The following MYT1L variants were observed in gnomAD, a reference collection of about 807,000 sequenced individuals.
MYT1L encodes myelin transcription factor 1-like protein.
MYT1L carries 12 observed loss-of-function variants against 126.7 expected under a neutral mutation model. The observed-to-expected ratio is 0.09, with a 90% CI of 0.06 to 0.15. The LOEUF is 0.15. MYT1L is among the 10% of genes least tolerant of loss of function. The pLI is 1.00. For missense variants in MYT1L, 979 were observed against 1,585.2 expected, an observed-to-expected ratio of 0.62 and a Z score of 6.49; for synonymous variants, 541 against 604.2, an observed-to-expected ratio of 0.90 and a Z score of 1.53.
chr2:2,295,492 A>T (rs2095657129), intron 1 of MYT1L, among the ~76,000 whole-genome samples: 1 of 149,630 alleles, frequency 6.7e-6, no homozygotes, highest in Non-Finnish European at 1.5e-5. Flanking sequence ...CCCAAAGGGA[A>T]TGTGGAGAGT....
At chr2:1,945,265 A>G (rs1249830747) in intron 8 of MYT1L, among the ~76,000 whole-genome samples, 1 of 152,222 alleles carries the variant, frequency 6.6e-6, no homozygotes, top group East Asian at 1.9e-4. Flanking sequence ...TGCAATTAAA[A>G]TGCATGTTGG....
chr2:2,155,946 T>C (rs900213399), intron 3 of MYT1L, among the ~76,000 whole-genome samples: 29 of 152,202 alleles, frequency 1.9e-4, no homozygotes, highest in African/African-American at 6.7e-4. Context: ...CTCTGTCACA[T>C]ATGAAAAGGA....
chr2:2,112,663 G>C (rs143278279), intron 3 of MYT1L, among the ~76,000 whole-genome samples: 1 of 152,150 alleles, frequency 6.6e-6, no homozygotes. Flanking sequence ...AGGCAACACT[G>C]ACGCTGATGA....
At chr2:2,007,211 G>C (rs557162305) in intron 4 of MYT1L, among the ~76,000 whole-genome samples, 2 of 152,076 alleles carry the variant, frequency 1.3e-5, no homozygotes, top group African/African-American at 2.4e-5. Flanking sequence ...GAGGATTGGT[G>C]GGTCACATGG....
intron 3 of MYT1L, among the ~76,000 whole-genome samples, chr2:2,117,010 A>C (rs2080300465): frequency 6.6e-6 from 1 of 152,180 alleles, no homozygotes; most frequent in African/African-American, 2.4e-5. Flanking sequence ...AAGAAGCTCA[A>C]GTGGTTTCTG....
At chr2:2,171,443 C>A (rs1003461692) in intron 3 of MYT1L, among the ~76,000 whole-genome samples, 1 of 152,062 alleles carries the variant, frequency 6.6e-6, no homozygotes, top group African/African-American at 2.4e-5. Context: ...AACATTACAC[C>A]CTTATAAAAT....
intron 2 of MYT1L, among the ~76,000 whole-genome samples, chr2:2,279,560 T>TGAATGAAG (rs1553619812): frequency 1.8e-5 from 1 of 56,866 alleles, no homozygotes; most frequent in African/African-American, 7.0e-5. Context: ...AGAGAAGGAA[T>TGAATGAAG]GAATGAATGA....
At position 2,165,716 on chromosome 2, in the gene MYT1L, T is replaced by C. The variant is rs367657934; in HGVS notation, c.-304+7156A>G. Among the ~76,000 whole-genome samples the C allele has an allele frequency of 5.0e-4, 76 of 152,288 alleles. 1 individual carries two copies. The highest frequency in any genetic ancestry group is 1.5e-3 in the African/African-American group (63 of 41,580). On this transcript the variant is annotated intron_variant, in intron 3 of 24. Coordinates refer to ENST00000647738, the MANE Select transcript of MYT1L (RefSeq NM_001303052.2). ...CACGTTGTCATCTCATAGCTGTTTCTTGAATGTTGTATTCAAAAATACTTT... is the reference window on the plus strand; with the variant it reads ...CACGTTGTCATCTCATAGCTGTTTCCTGAATGTTGTATTCAAAAATACTTT...
chr2:2,097,050 A>C (rs77323577), intron 3 of MYT1L, among the ~76,000 whole-genome samples: 2,109 of 152,060 alleles, frequency 0.014, 47 homozygotes, highest in African/African-American at 0.048. Flanking sequence ...CACCTCTTCC[A>C]ATCTCCCTGC....
chr2:2,147,043 G>A (rs1458040550), intron 3 of MYT1L, among the ~76,000 whole-genome samples: 1 of 152,204 alleles, frequency 6.6e-6, no homozygotes, highest in Non-Finnish European at 1.5e-5. Context: ...TGACAATTGG[G>A]CTGCTGCAGT....
At chr2:2,299,903 G>A (rs1380837277) in intron 1 of MYT1L, among the ~76,000 whole-genome samples, 1 of 152,104 alleles carries the variant, frequency 6.6e-6, no homozygotes, top group East Asian at 1.9e-4. Context: ...GCAGCCTACT[G>A]ATGTATTGTG....
intron 21 of MYT1L, among the ~76,000 whole-genome samples, chr2:1,814,022 G>A (rs1378615433): frequency 1.8e-5 from 2 of 109,024 alleles, no homozygotes; most frequent in Non-Finnish European, 3.7e-5. Context: ...GCGAGACTCC[G>A]TCCCCAAAAA....
intron 3 of MYT1L, among the ~76,000 whole-genome samples, chr2:2,140,540 T>G (rs539658184): frequency 2.0e-5 from 3 of 151,492 alleles, no homozygotes; most frequent in East Asian, 2.0e-4. Context: ...GTTCAAGGGA[T>G]TCTCATGCCT....
chr2:2,212,221 T>G (rs1289684998), intron 2 of MYT1L, among the ~76,000 whole-genome samples: 1 of 127,508 alleles, frequency 7.8e-6, no homozygotes, highest in African/African-American at 3.1e-5. Flanking sequence ...CCCTGAAATA[T>G]GGGCATTTAA....
intron 4 of MYT1L, among the ~76,000 whole-genome samples, chr2:2,023,899 C>G (rs2065281094): frequency 1.3e-5 from 2 of 152,136 alleles, no homozygotes; most frequent in African/African-American, 4.8e-5. Context: ...GAGCGGTGTT[C>G]ACTGGATTAG....
At chr2:1,866,914 C>G (rs1573012965) in intron 18 of MYT1L, among the ~76,000 whole-genome samples, 1 of 115,882 alleles carries the variant, frequency 8.6e-6, no homozygotes. Context: ...CAGAGGCAGG[C>G]AGAGAGTGAG....
At chr2:2,295,623 G>C (rs200748383) in intron 1 of MYT1L, among the ~76,000 whole-genome samples, 7 of 113,554 alleles carry the variant, frequency 6.2e-5, no homozygotes, top group Admixed American at 1.7e-4. Flanking sequence ...GAGAGAGAGA[G>C]AGACAGACAG....
chr2:1,964,067 C>T (rs935215968), intron 8 of MYT1L, among the ~76,000 whole-genome samples: 3 of 152,168 alleles, frequency 2.0e-5, no homozygotes, highest in Admixed American at 1.3e-4. Context: ...AGATGTGTGA[C>T]TCTTCTCTTC....
intron 3 of MYT1L, among the ~76,000 whole-genome samples, chr2:2,147,102 A>T (rs2084998680): frequency 6.6e-6 from 1 of 152,220 alleles, no homozygotes; most frequent in African/African-American, 2.4e-5. Flanking sequence ...TCCAGCTGCT[A>T]GCAGGCTTGA....
Sources: gnomAD v4.1 joint callset for allele counts (sites outside exome capture counted in the v4.1 genomes callset) on GRCh38, gnomAD v4.1.1 for gene constraint, MANE v1.5 for transcripts, NCBI Gene and HGNC (gene_info 2026-07-23, HGNC 2026-07-21) for gene names.